USP6: variants seen among roughly 807,000 people sequenced by gnomAD.
USP6 encodes the protein ubiquitin specific peptidase 6.
A neutral mutation model predicts 175.7 loss-of-function variants in USP6; 128 were observed. That is an observed-to-expected ratio of 0.73 (90% CI 0.63 to 0.84). The LOEUF is 0.84. USP6 is among the 40% of genes least tolerant of loss of function. The pLI, the probability that USP6 is intolerant of heterozygous loss-of-function variation, is 0.00. For missense variants in USP6, 1,498 were observed against 1,760.3 expected (o/e 0.85, Z 2.67); for synonymous variants, 562 against 630.6 (o/e 0.89, Z 1.63).
rs758774059 is a variant in USP6, at chr17:5,148,620, A to G, written c.2496A>G (p.Lys832=). ...FTLTTNGDLP[K]PIFIPNGMPN... The stretch of plus-strand genomic sequence containing the variant: ...TAACTACCAATGGGGACCTACCCAA[A>G]CCAATATTCATCCCCAATGGAATGC... The change falls in exon 30 of 38, where the codon AAA becomes AAG. Residue 832 remains lysine (K), a synonymous_variant. Transcript: ENST00000574788. 3 of 1,613,976 alleles carry G rather than the reference A, an allele frequency of 1.9e-6. No homozygotes were observed. Among genetic ancestry groups the G allele is most frequent in the Non-Finnish European group, 2.5e-6 (3 of 1,179,864 alleles).
In USP6 at chr17:5,136,570, G is replaced by A. The variant is rs535485491; in HGVS notation, c.665-70G>A. 6.3e-5 allele frequency: 99 copies of A among 1,575,378 alleles called. 2 individuals are homozygous for A. In the South Asian group the frequency reaches 1.0e-3, roughly 16 times the overall value. ...GTTTGGGGGCCTCTGCAGCTGCCCA[G>A]CTCTTTCAGCTGATGGCTCCACACC... On this transcript the variant is annotated intron_variant, in intron 17 of 37. Coordinates refer to ENST00000574788, the MANE Select transcript of USP6 (RefSeq NM_001304284.2).
intron 29 of USP6, among the ~76,000 whole-genome samples, chr17:5,148,132 C>T (rs531181897): frequency 2.2e-4 from 34 of 152,194 alleles, no homozygotes; most frequent in Non-Finnish European, 4.0e-4. Flanking sequence ...GCTACTTCAG[C>T]CCCCTAAAGT....
intron 19 of USP6, among the ~76,000 whole-genome samples, 160 bp downstream of exon 19, chr17:5,137,346 C>T (rs1042748163): frequency 6.6e-6 from 1 of 152,198 alleles, no homozygotes; most frequent in African/African-American, 2.4e-5. Context: ...GGGGTCATCC[C>T]AGGGCAATGG....
chr17:5,144,890 A>G, intron 26 of USP6, 27 bp downstream of exon 26: 2 of 1,574,268 alleles, frequency 1.3e-6, no homozygotes, highest in Non-Finnish European at 1.7e-6. Flanking sequence ...TTTCTAATGT[A>G]AGCAATAGAC....
rs763291961 is a variant in USP6 at position 5,168,021 on chromosome 17, T to A, written c.3126T>A (p.Ser1042Arg). ...NLDSCLRAFT[S>R]EEELGESEMY... ...ACAGCTGTCTCCGTGCTTTCACCAG[T>A]GAGGAAGAGCTAGGGGAAAGTGAGA... Residue 1042 changes from serine to arginine, a missense_variant, in exon 34 of 38, where the codon AGT becomes AGA. This residue lies in a region of USP6 where 1,217 missense variants were observed against 1,500.8 expected (regional missense o/e 0.81). Transcript: ENST00000574788. 8.1e-6 allele frequency: 13 copies of A among 1,611,926 alleles called. No homozygotes were observed. The highest frequency in any genetic ancestry group is 1.1e-5 in the Non-Finnish European group (13 of 1,179,836).
chr17:5,135,184 T>C (rs768547333), intron 15 of USP6, 50 bp from the exon 16 acceptor site: 2 of 1,594,108 alleles, frequency 1.3e-6, no homozygotes, highest in East Asian at 2.2e-5. Context: ...AAAGTGAAAC[T>C]AACAGCATCT....
At chr17:5,124,281 C>G (rs987999028) in intron 4 of USP6, among the ~76,000 whole-genome samples, 10 of 152,160 alleles carry the variant, frequency 6.6e-5, no homozygotes, top group Non-Finnish European at 1.3e-4. Context: ...GTGAGTGATG[C>G]AATGAGGTTG....
rs1342320297 is a variant in USP6 at position 5,172,913 on chromosome 17, G to A, written c.4156G>A (p.Ala1386Thr). The A allele has an allele frequency of 3.1e-6, 5 of 1,613,980 alleles. No homozygotes were observed. The highest frequency in any genetic ancestry group is 3.3e-5 in the Admixed American group (2 of 60,020). Residue 1386 changes from alanine (A) to threonine (T), a missense_variant, in exon 38 of 38, where the codon GCA (alanine) becomes ACA (threonine). By Grantham distance (58) the Ala-to-Thr change is moderately conservative. This residue lies in a region of USP6 where 1,217 missense variants were observed against 1,500.8 expected (regional missense o/e 0.81). Transcript: ENST00000574788. ...GCCAAAGATTGATGGCAAAAAGATGGCAGACACAAGCAGTACGGATGAAGA... is the reference window on the plus strand; with the variant it reads ...GCCAAAGATTGATGGCAAAAAGATGACAGACACAAGCAGTACGGATGAAGA... Reference protein sequence around the residue: ...FLPKIDGKKMADTSSTDEDSE... With the variant: ...FLPKIDGKKMTDTSSTDEDSE...
rs369521355 is a variant in USP6 at position 5,147,142 on chromosome 17, T to G, written c.2379T>G (p.Phe793Leu). The G allele has an allele frequency of 1.2e-6, 2 of 1,613,700 alleles. No homozygotes were observed. Among genetic ancestry groups the G allele is most frequent in the Non-Finnish European group, 1.7e-6 (2 of 1,179,846 alleles). ...CAGTGAGCGGATTTTTGTGTGCATT[T>G]GAAATTCCTGTCCCTTCATCTCCAA... is the stretch of plus-strand genomic sequence containing the variant. ...QLSVSGFLCA[F>L]EIPVPSSPIS... The change falls in exon 29 of 38, where the codon TTT becomes TTG. Residue 793 changes from phenylalanine (F) to leucine (L), a missense_variant. Transcript: ENST00000574788.
At chr17:5,163,229 A>G (rs561686705) in intron 33 of USP6, among the ~76,000 whole-genome samples, 1 of 152,300 alleles carries the variant, frequency 6.6e-6, no homozygotes, top group African/African-American at 2.4e-5. Context: ...TTGTGTTGCT[A>G]TAACAGAGTA....
At chr17:5,122,812 C>T (rs1187594786) in intron 4 of USP6, among the ~76,000 whole-genome samples, 2 of 152,244 alleles carry the variant, frequency 1.3e-5, no homozygotes, top group African/African-American at 2.4e-5. Flanking sequence ...GTGGGTAGGG[C>T]GCGGAGAGCG....
chr17:5,153,603 C>T (rs2073820350), intron 30 of USP6, among the ~76,000 whole-genome samples: 1 of 151,740 alleles, frequency 6.6e-6, no homozygotes. Flanking sequence ...TACCCTTTTA[C>T]CTCTGATTTT....
Position 5,139,630 on chromosome 17 carries a change from A to C in USP6, c.1454A>C (p.Glu485Ala), listed in dbSNP as rs2073381477. ...WSCWVRAISQ[E>A]DQLATCWQAE... ...TGCTGGGTCCGTGCCATATCCCAGG[A>C]GGACCAGCTGGCCACCTGCTGGCAG... Residue 485 changes from glutamate to alanine, a missense_variant, in exon 22 of 38, where the codon GAG (glutamate) becomes GCG (alanine). Physicochemically the swap from Glu to Ala is moderately radical, Grantham distance 107 (BLOSUM62 -1). This residue lies in a region of USP6 where 1,217 missense variants were observed against 1,500.8 expected (regional missense o/e 0.81). Coordinates refer to ENST00000574788, the MANE Select transcript of USP6 (RefSeq NM_001304284.2). The C allele has an allele frequency of 6.2e-7, 1 of 1,612,898 alleles. No individual in the cohort carries two copies. The highest frequency in any genetic ancestry group is 1.3e-5 in the African/African-American group (1 of 75,052).
At position 5,130,330 on chromosome 17, in the gene USP6, G is replaced by A. The variant is rs756984149; in HGVS notation, c.-1-37G>A. 44 of 1,609,738 alleles carry A rather than the reference G, an allele frequency of 2.7e-5. No individual in the cohort carries two copies. The African/African-American group carries it at 3.3e-4, about 12-fold the overall frequency. On this transcript the variant is annotated intron_variant, in intron 9 of 37. Coordinates refer to ENST00000574788, the MANE Select transcript of USP6 (RefSeq NM_001304284.2). ...GGTTCAGGTGTTCTCCGAAGCTGTCGGGTACAGTGTAACCTTTAGACAATT... is the reference window on the plus strand; with the variant it reads ...GGTTCAGGTGTTCTCCGAAGCTGTCAGGTACAGTGTAACCTTTAGACAATT...
At chr17:5,125,629 C>T (rs1228817836) in intron 5 of USP6, among the ~76,000 whole-genome samples, 192 bp from the exon 6 acceptor site, 1 of 151,748 alleles carries the variant, frequency 6.6e-6, no homozygotes, top group African/African-American at 2.4e-5. Flanking sequence ...CTCCCACATC[C>T]TGTCCACTGT....
At chr17:5,142,591 T>C (rs2073480415) in intron 25 of USP6, 89 bp downstream of exon 25, 2 of 1,471,982 alleles carry the variant, frequency 1.4e-6, no homozygotes, top group Admixed American at 4.9e-5. Flanking sequence ...TTTAGCCTTT[T>C]AGCTTAATGA....
chr17:5,130,360 C>G lies in USP6; in HGVS notation c.-1-7C>G. The G allele has an allele frequency of 1.2e-6, 2 of 1,614,018 alleles. No individual in the cohort carries two copies. Among genetic ancestry groups the G allele is most frequent in the Non-Finnish European group, 1.7e-6 (2 of 1,179,978 alleles). ...CAGTGTAACCTTTAGACAATTTTGTCTCACAGGATGGACATGGTAGAGAAT... is the reference window on the plus strand; with the variant it reads ...CAGTGTAACCTTTAGACAATTTTGTGTCACAGGATGGACATGGTAGAGAAT... On this transcript the variant is annotated splice_polypyrimidine_tract_variant and splice_region_variant and intron_variant, in intron 9 of 37. Coordinates refer to ENST00000574788, the MANE Select transcript of USP6 (RefSeq NM_001304284.2).
chr17:5,144,161 G>A (rs986860380), intron 25 of USP6, among the ~76,000 whole-genome samples: 10 of 151,946 alleles, frequency 6.6e-5, no homozygotes, highest in African/African-American at 2.2e-4. Context: ...ATTCTAATGC[G>A]GTTAATAAAA....
At chr17:5,121,232 G>A (rs898595076) in intron 3 of USP6, 143 bp from the exon 4 acceptor site, 3 of 392,492 alleles carry the variant, frequency 7.6e-6, no homozygotes, top group Non-Finnish European at 1.5e-5. Flanking sequence ...AAGGTCCAAC[G>A]TGGGTGCAGA....
Sources: gnomAD v4.1 joint callset for allele counts (sites outside exome capture counted in the v4.1 genomes callset) on GRCh38, gnomAD v4.1.1 for gene constraint, gnomAD v4.1.1 regional missense constraint, MANE v1.5 for transcripts, NCBI Gene and HGNC (gene_info 2026-07-23, HGNC 2026-07-21) for gene names.